DSCAM: variants seen among roughly 807,000 people sequenced by gnomAD.
The protein encoded by DSCAM is cell adhesion molecule DSCAM.
In DSCAM, 47 loss-of-function variants were observed where a neutral mutation model predicts 217.7. The ratio of observed to expected loss-of-function variants is 0.22; its 90% CI spans 0.17 to 0.28. The LOEUF (loss-of-function observed/expected upper bound fraction) is 0.28, where lower values mean the gene tolerates loss of function less well. DSCAM is among the 10% of genes least tolerant of loss of function. The probability of loss-of-function intolerance (pLI) is 1.00; values close to 1 mark genes in which losing one functional copy is unlikely to be tolerated. For missense variants in DSCAM, 2,080 were observed against 2,618.3 expected (o/e 0.79, Z 4.49); for synonymous variants, 1,056 against 1,015.3 (o/e 1.04, Z -0.76).
chr21:40,819,315 C>T (rs79059190), intron 1 of DSCAM, among the ~76,000 whole-genome samples: 3 of 152,216 alleles, frequency 2.0e-5, no homozygotes, highest in Admixed American at 6.5e-5. Context: ...CAGCACTGTG[C>T]TGGGCTGCAC....
chr21:40,355,562 C>T (rs747845780), intron 4 of DSCAM, among the ~76,000 whole-genome samples: 4 of 152,208 alleles, frequency 2.6e-5, no homozygotes, highest in South Asian at 2.1e-4. Flanking sequence ...GGATGCTAAA[C>T]GTAAAACTCA....
At chr21:40,341,197 G>A (rs1002290368) in intron 6 of DSCAM, among the ~76,000 whole-genome samples, 1 of 152,134 alleles carries the variant, frequency 6.6e-6, no homozygotes, top group Non-Finnish European at 1.5e-5. Context: ...TGTCTTTAAC[G>A]CACTGCAGAC....
intron 8 of DSCAM, among the ~76,000 whole-genome samples, chr21:40,325,164 A>C (rs1208801098): frequency 6.6e-6 from 1 of 152,142 alleles, no homozygotes. Context: ...TTTTTAAGTA[A>C]AGTGCTGAAA....
chr21:40,266,182 G>A (rs2073524097), intron 11 of DSCAM, among the ~76,000 whole-genome samples: 1 of 152,098 alleles, frequency 6.6e-6, no homozygotes, highest in Non-Finnish European at 1.5e-5. Flanking sequence ...ATTAAAAAGT[G>A]GGCAAAGGAC....
At chr21:40,722,889 A>G (rs1359324591) in intron 1 of DSCAM, among the ~76,000 whole-genome samples, 1 of 152,148 alleles carries the variant, frequency 6.6e-6, no homozygotes, top group Non-Finnish European at 1.5e-5. Flanking sequence ...ATATCAAAGT[A>G]GATTTTAGAA....
chr21:40,397,728 GTAC>G (rs112196347), intron 3 of DSCAM, among the ~76,000 whole-genome samples: 89 of 151,910 alleles, frequency 5.9e-4, no homozygotes, highest in African/African-American at 2.1e-3. Context: ...ACTATTGGCG[GTAC>G]TACTACTACC....
At chr21:40,646,007 T>G (rs1452648263) in intron 3 of DSCAM, among the ~76,000 whole-genome samples, 3 of 152,132 alleles carry the variant, frequency 2.0e-5, no homozygotes, top group African/African-American at 7.2e-5. Context: ...GATACCGTTC[T>G]TGGAGGCGGT....
At chr21:40,500,081 C>T (rs901970293) in intron 3 of DSCAM, among the ~76,000 whole-genome samples, 3 of 152,082 alleles carry the variant, frequency 2.0e-5, no homozygotes, top group Admixed American at 6.6e-5. Context: ...CCACTGCGCC[C>T]GGCTGAGTAC....
intron 20 of DSCAM, among the ~76,000 whole-genome samples, chr21:40,096,718 G>T (rs1159771959): frequency 6.6e-6 from 1 of 151,790 alleles, no homozygotes; most frequent in African/African-American, 2.4e-5. Flanking sequence ...AAAAAAAACT[G>T]TACCAAGGAG....
chr21:40,247,082 C>A (rs2073236120), intron 11 of DSCAM, among the ~76,000 whole-genome samples: 1 of 152,126 alleles, frequency 6.6e-6, no homozygotes. Context: ...GAGATGTATT[C>A]ACTATCATGA....
intron 11 of DSCAM, among the ~76,000 whole-genome samples, chr21:40,243,234 G>A (rs2837529): frequency 0.56 from 85,379 of 151,972 alleles, 25,469 homozygotes; most frequent in African/African-American, 0.77. Context: ...AATTAAAGCA[G>A]ATGTACAATC....
intron 11 of DSCAM, among the ~76,000 whole-genome samples, chr21:40,207,227 A>C (rs2091135780): frequency 6.6e-6 from 1 of 152,232 alleles, no homozygotes; most frequent in Non-Finnish European, 1.5e-5. Context: ...AATTCATTAA[A>C]CAAATGGAAA....
intron 3 of DSCAM, among the ~76,000 whole-genome samples, chr21:40,518,249 G>C (rs150360391): frequency 7.2e-6 from 1 of 139,172 alleles, no homozygotes; most frequent in African/African-American, 2.7e-5. Flanking sequence ...CCTGAGATGC[G>C]TCCTGTCTTG....
chr21:40,048,725 A>G (rs915330898), intron 30 of DSCAM, among the ~76,000 whole-genome samples: 1 of 152,256 alleles, frequency 6.6e-6, no homozygotes, highest in Non-Finnish European at 1.5e-5. Context: ...AATACAAATG[A>G]TTCTCTGCAA....
chr21:40,270,092 G>C (rs1162043738), intron 11 of DSCAM, among the ~76,000 whole-genome samples: 1 of 152,178 alleles, frequency 6.6e-6, no homozygotes, highest in African/African-American at 2.4e-5. Flanking sequence ...GGCTGACTTA[G>C]GAAGGGAAAT....
At chr21:40,409,956 A>T (rs957398188) in intron 3 of DSCAM, among the ~76,000 whole-genome samples, 1 of 152,224 alleles carries the variant, frequency 6.6e-6, no homozygotes, top group Admixed American at 6.5e-5. Flanking sequence ...CAATTACAAA[A>T]CATGTCTAAA....
At chr21:40,704,415 A>C (rs1441881310) in intron 2 of DSCAM, among the ~76,000 whole-genome samples, 2 of 152,156 alleles carry the variant, frequency 1.3e-5, no homozygotes, top group African/African-American at 4.8e-5. Flanking sequence ...AATTTGTCTA[A>C]TGTTAAAGAA....
At chr21:40,114,924 G>C (rs1227642182) in intron 20 of DSCAM, among the ~76,000 whole-genome samples, 5 of 152,194 alleles carry the variant, frequency 3.3e-5, no homozygotes, top group Admixed American at 3.3e-4. Context: ...ACAGGTGTTG[G>C]AGAGGATGTG....
intron 3 of DSCAM, among the ~76,000 whole-genome samples, chr21:40,433,458 T>A (rs1254836082): frequency 6.6e-6 from 1 of 152,036 alleles, no homozygotes; most frequent in Non-Finnish European, 1.5e-5. Context: ...CTGCTTTGAC[T>A]GGCCCCATCT....
Sources: gnomAD v4.1 joint callset for allele counts (sites outside exome capture counted in the v4.1 genomes callset) on GRCh38, gnomAD v4.1.1 for gene constraint, MANE v1.5 for transcripts, NCBI Gene and HGNC (gene_info 2026-07-23, HGNC 2026-07-21) for gene names.